HAPLN1: variants seen among roughly 807,000 people sequenced by gnomAD.
HAPLN1 encodes hyaluronan and proteoglycan link protein 1.
A neutral mutation model predicts 36.5 loss-of-function variants in HAPLN1; 13 were observed. That is an observed-to-expected ratio of 0.36 (90% CI 0.23 to 0.57). The LOEUF is 0.57. Among genes scored for constraint, HAPLN1 ranks in the 20% least tolerant of loss-of-function variants. The pLI, the probability that HAPLN1 is intolerant of heterozygous loss-of-function variation, is 0.83. For missense variants in HAPLN1, 407 were observed against 439.7 expected (o/e 0.93, Z 0.66); for synonymous variants, 202 against 169.8 (o/e 1.19, Z -1.48).
At chr5:83,661,197 C>CATCTATATCTATATCTAT (rs143407538) in intron 2 of HAPLN1, among the ~76,000 whole-genome samples, 9,644 of 148,216 alleles carry the variant, frequency 0.065, 398 homozygotes, top group Non-Finnish European at 0.089. Flanking sequence ...ATGTCTTTGT[C>CATCTATATCTATATCTAT]ATCTATATCT....
chr5:83,687,115 CA>C (rs1751145911), intron 1 of HAPLN1, among the ~76,000 whole-genome samples: 1 of 152,058 alleles, frequency 6.6e-6, no homozygotes, highest in African/African-American at 2.4e-5. Context: ...ATTTATAAAG[CA>C]AACCTCTCCT....
At position 83,687,305 on chromosome 5, in the gene HAPLN1, G is replaced by A. The variant is rs144614658; in HGVS notation, c.-26-13756C>T. Among the ~76,000 whole-genome samples the A allele has an allele frequency of 3.2e-3, 482 of 152,264 alleles. 1 individual carries two copies. The highest frequency in any genetic ancestry group is 5.4e-3 in the Non-Finnish European group (368 of 68,022). Reference sequence around the variant, plus strand: ...GGAGAATACAGTAGTCTTCAGTTACGAACCTCTTGACCACAATTTGCATTT... The same window carrying A: ...GGAGAATACAGTAGTCTTCAGTTACAAACCTCTTGACCACAATTTGCATTT... On this transcript the variant is annotated intron_variant, in intron 1 of 4. Coordinates refer to ENST00000274341, the MANE Select transcript of HAPLN1 (RefSeq NM_001884.4).
intron 2 of HAPLN1, among the ~76,000 whole-genome samples, chr5:83,660,356 A>G (rs1008526147): frequency 1.3e-5 from 2 of 152,152 alleles, no homozygotes; most frequent in Admixed American, 6.5e-5. Context: ...TGGAGCCTGG[A>G]GGTTTATCTA....
chr5:83,641,942 C>G lies in HAPLN1; in HGVS notation c.776-157G>C, dbSNP rs188306128. Reference sequence around the variant, plus strand: ...TAGAAATGTCAATTAAATATAGTGTCCCTACGTCACTTCCATTAAATTAGT... The same window carrying G: ...TAGAAATGTCAATTAAATATAGTGTGCCTACGTCACTTCCATTAAATTAGT... On this transcript the variant is annotated intron_variant, in intron 4 of 4. Transcript: ENST00000274341. Among the ~76,000 whole-genome samples the G allele has an allele frequency of 1.8e-3, 281 of 152,252 alleles. 1 individual carries two copies. The highest frequency in any genetic ancestry group is 3.4e-3 in the Middle Eastern group (1 of 292).
chr5:83,670,681 C>G (rs1469562603), intron 2 of HAPLN1, among the ~76,000 whole-genome samples: 1 of 136,120 alleles, frequency 7.3e-6, no homozygotes, highest in Non-Finnish European at 1.5e-5. Flanking sequence ...TGCCTTTTTA[C>G]CTTTGTTTTG....
chr5:83,649,285 T>G (rs1749976490), intron 3 of HAPLN1, among the ~76,000 whole-genome samples: 1 of 152,162 alleles, frequency 6.6e-6, no homozygotes, highest in Non-Finnish European at 1.5e-5. Context: ...TGAGACTTAA[T>G]GCAGGCAAGC....
chr5:83,661,976 T>C (rs562846970), intron 2 of HAPLN1, among the ~76,000 whole-genome samples: 6 of 152,328 alleles, frequency 3.9e-5, no homozygotes, highest in South Asian at 2.1e-4. Flanking sequence ...CTAACAACCA[T>C]GTGACCTGGG....
intron 3 of HAPLN1, among the ~76,000 whole-genome samples, chr5:83,648,608 G>T (rs1749955908): frequency 6.6e-6 from 1 of 151,338 alleles, no homozygotes; most frequent in Non-Finnish European, 1.5e-5. Flanking sequence ...ATTTAAGCTG[G>T]TATTAAAGGA....
At chr5:83,660,642 T>C (rs1480405397) in intron 2 of HAPLN1, among the ~76,000 whole-genome samples, 1 of 152,076 alleles carries the variant, frequency 6.6e-6, no homozygotes, top group Non-Finnish European at 1.5e-5. Context: ...CAGGAAGAAG[T>C]AAAGTGTGAG....
At chr5:83,710,999 AC>A (rs1751769915) in intron 1 of HAPLN1, among the ~76,000 whole-genome samples, 1 of 152,146 alleles carries the variant, frequency 6.6e-6, no homozygotes, top group Non-Finnish European at 1.5e-5. Flanking sequence ...GGTTGATAAT[AC>A]AAGAGAGAAT....
intron 1 of HAPLN1, among the ~76,000 whole-genome samples, chr5:83,712,848 C>A (rs1580167791): frequency 4.5e-5 from 6 of 133,330 alleles, no homozygotes; most frequent in East Asian, 2.2e-4. Flanking sequence ...TGTATTTTAT[C>A]AAGCAGTCCT....
chr5:83,680,214 A>G (rs1750966129), intron 1 of HAPLN1, among the ~76,000 whole-genome samples: 1 of 151,966 alleles, frequency 6.6e-6, no homozygotes, highest in African/African-American at 2.4e-5. Flanking sequence ...CTTCTCCAAA[A>G]CCAGCTTTTT....
intron 1 of HAPLN1, among the ~76,000 whole-genome samples, chr5:83,715,237 G>A (rs916216556): frequency 6.6e-6 from 1 of 152,178 alleles, no homozygotes; most frequent in African/African-American, 2.4e-5. Flanking sequence ...AATTGTAAAT[G>A]CATGAGTGAA....
intron 2 of HAPLN1, among the ~76,000 whole-genome samples, chr5:83,662,220 T>G (rs1750423404): frequency 6.6e-6 from 1 of 152,164 alleles, no homozygotes; most frequent in Non-Finnish European, 1.5e-5. Flanking sequence ...CATCTTTATA[T>G]CATCTTATGG....
chr5:83,646,578 C>A (rs1486409005), intron 3 of HAPLN1, among the ~76,000 whole-genome samples: 1 of 152,220 alleles, frequency 6.6e-6, no homozygotes, highest in East Asian at 1.9e-4. Context: ...AAGGCAGAGA[C>A]CCAAGAAGGC....
chr5:83,671,625 T>C (rs1197016068), intron 2 of HAPLN1, among the ~76,000 whole-genome samples: 1 of 152,210 alleles, frequency 6.6e-6, no homozygotes, highest in African/African-American at 2.4e-5. Context: ...ACTATGGGAT[T>C]TGAAAATTCA....
intron 1 of HAPLN1, among the ~76,000 whole-genome samples, chr5:83,695,613 T>C (rs371305392): frequency 7.3e-6 from 1 of 136,928 alleles, no homozygotes; most frequent in East Asian, 2.0e-4. Context: ...TAGATATCTA[T>C]AGATATATAT....
At chr5:83,676,946 G>A (rs115456540) in intron 1 of HAPLN1, among the ~76,000 whole-genome samples, 1,639 of 152,278 alleles carry the variant, frequency 0.011, 26 homozygotes, top group African/African-American at 0.038. Flanking sequence ...GTTGATAATT[G>A]AAGCATGATT....
chr5:83,656,128 G>A (rs532799846), intron 2 of HAPLN1, among the ~76,000 whole-genome samples: 10 of 152,144 alleles, frequency 6.6e-5, no homozygotes, highest in African/African-American at 2.2e-4. Context: ...AGGAGTTCGA[G>A]ATCAGCCTGG....
Sources: allele counts gnomAD v4.1 joint callset (sites outside exome capture counted in the v4.1 genomes callset), GRCh38; gene constraint gnomAD v4.1.1; transcripts MANE v1.5; gene names NCBI Gene and HGNC (gene_info 2026-07-23, HGNC 2026-07-21).